Variants in MYO1E observed in about 807,000 individuals in gnomAD.
MYO1E encodes myosin IE.
A neutral mutation model predicts 151.1 loss-of-function variants in MYO1E; 68 were observed. The ratio of observed to expected loss-of-function variants is 0.45; its 90% CI spans 0.37 to 0.55. The LOEUF is 0.55. MYO1E is among the 20% of genes least tolerant of loss of function. MYO1E has a pLI of 0.00. For missense variants in MYO1E, 1,363 were observed against 1,389.3 expected (o/e 0.98, Z 0.30); for synonymous variants, 601 against 501.7 (o/e 1.20, Z -2.64).
Position 59,133,857 on chromosome 15 carries a change from C to CCACT in MYO1E, c.*3519_*3522dup, listed in dbSNP as rs1219621657. ...ACAGGCTGACTTGGTGTGACCAGCT[C>CCACT]CACTCAGGGAGGGTCTGGGGATGAG... On this transcript the variant is annotated 3_prime_UTR_variant, in exon 28 of 28. Coordinates refer to ENST00000288235, the MANE Select transcript of MYO1E (RefSeq NM_004998.4). 1 of 152,214 alleles carries CCACT rather than the reference C, an allele frequency of 6.6e-6. No individual in the cohort carries two copies. Among genetic ancestry groups the CCACT allele is most frequent in the Non-Finnish European group, 1.5e-5 (1 of 68,076 alleles). The allele number at this position is 152,214 out of a possible 1,614,324, so 9.4% of individuals were successfully genotyped here.
intron 9 of MYO1E, among the ~76,000 whole-genome samples, chr15:59,221,621 C>G (rs2140348339): frequency 6.6e-6 from 1 of 152,334 alleles, no homozygotes; most frequent in Admixed American, 6.5e-5. Flanking sequence ...TCTCTGGCTT[C>G]CATCTCAGCC....
At chr15:59,360,115 A>G (rs1374350177) in intron 1 of MYO1E, among the ~76,000 whole-genome samples, 1 of 152,234 alleles carries the variant, frequency 6.6e-6, no homozygotes, top group African/African-American at 2.4e-5. Flanking sequence ...TTTCTCTCCA[A>G]CTTACTTATT....
chr15:59,272,524 T>C, intron 1 of MYO1E, 75 bp from the exon 2 acceptor site: 2 of 1,446,812 alleles, frequency 1.4e-6, no homozygotes, highest in Admixed American at 3.5e-5. Context: ...TGCTGTTAAT[T>C]TCCCAAATAT....
intron 1 of MYO1E, among the ~76,000 whole-genome samples, chr15:59,305,212 G>A (rs1166697981): frequency 6.6e-6 from 1 of 152,036 alleles, no homozygotes. Context: ...TTTATCTATC[G>A]AGATGGGGTT....
At chr15:59,332,442 A>G (rs2140423762) in intron 1 of MYO1E, among the ~76,000 whole-genome samples, 1 of 152,366 alleles carries the variant, frequency 6.6e-6, no homozygotes, top group South Asian at 2.1e-4. Flanking sequence ...AGAAGTAAGC[A>G]TGCTGATCTA....
rs553276307 is a variant in MYO1E, at chr15:59,238,799, G to C, written c.333-2127C>G. On this transcript the variant is annotated intron_variant, in intron 4 of 27. Coordinates refer to ENST00000288235, the MANE Select transcript of MYO1E (RefSeq NM_004998.4). ...GTTAGCCAGACTGGTCCCAACTCCT[G>C]ACCCCAGGTGATCCGCCTGCCTTGG... Among the ~76,000 whole-genome samples, 6 of 152,056 alleles carry C rather than the reference G, an allele frequency of 3.9e-5. No homozygotes were observed. The East Asian group carries it at 5.9e-4, about 15-fold the overall frequency.
At chr15:59,207,566 G>T (rs780698842) in intron 14 of MYO1E, 1 of 1,614,086 alleles carries the variant, frequency 6.2e-7, no homozygotes, top group South Asian at 1.1e-5. Flanking sequence ...CGTATTATTG[G>T]AAGCGGCTGT....
intron 4 of MYO1E, among the ~76,000 whole-genome samples, chr15:59,249,896 C>G (rs1442266779): frequency 6.6e-6 from 1 of 152,192 alleles, no homozygotes; most frequent in African/African-American, 2.4e-5. Flanking sequence ...CCACCCAGAA[C>G]AGGATTTCCC....
Position 59,223,108 on chromosome 15 carries a change from G to A in MYO1E, c.861C>T (p.Asn287=). 6.2e-7 allele frequency: 1 copy of A among 1,613,402 alleles called. No homozygotes were observed. Among genetic ancestry groups the A allele is most frequent in the Non-Finnish European group, 8.5e-7 (1 of 1,179,946 alleles). The change falls in exon 9 of 28, where the codon AAC becomes AAT. Residue 287 remains asparagine, a synonymous_variant. Transcript: ENST00000288235. The part of the protein sequence containing the change: ...QIVAGILHLG[N]ISFKEVGNYA... The stretch of plus-strand genomic sequence containing the variant: ...AGTTGCCAACTTCTTTGAAGCTGAT[G>A]TTTCCCAGGTGGAGAATACCCGCCA...
intron 23 of MYO1E, among the ~76,000 whole-genome samples, chr15:59,162,834 C>T (rs1376727943): frequency 6.6e-6 from 1 of 152,102 alleles, no homozygotes; most frequent in African/African-American, 2.4e-5. Context: ...CTACTCCTGT[C>T]TGCTCTCCTA....
At chr15:59,225,173 T>C (rs1251317503) in intron 7 of MYO1E, among the ~76,000 whole-genome samples, 1 of 152,212 alleles carries the variant, frequency 6.6e-6, no homozygotes, top group African/African-American at 2.4e-5. Flanking sequence ...CACTGCAGGG[T>C]GCATGTTAAA....
At chr15:59,243,886 C>G (rs2080114552) in intron 4 of MYO1E, among the ~76,000 whole-genome samples, 1 of 151,872 alleles carries the variant, frequency 6.6e-6, no homozygotes, top group Non-Finnish European at 1.5e-5. Flanking sequence ...TGGCTCAATT[C>G]ACAGACTCCG....
At chr15:59,202,291 A>C in intron 16 of MYO1E, 35 bp downstream of exon 16, 2 of 1,583,900 alleles carry the variant, frequency 1.3e-6, no homozygotes, top group Admixed American at 1.7e-5. Flanking sequence ...GCTAGCCCTT[A>C]TAAGAATCTA....
chr15:59,247,285 G>C (rs1282239152), intron 4 of MYO1E, among the ~76,000 whole-genome samples: 1 of 152,168 alleles, frequency 6.6e-6, no homozygotes, highest in Non-Finnish European at 1.5e-5. Context: ...AACTAACCTG[G>C]CGAACCTGTC....
chr15:59,151,816 G>A (rs1234301166), intron 26 of MYO1E, among the ~76,000 whole-genome samples: 1 of 152,076 alleles, frequency 6.6e-6, no homozygotes, highest in African/African-American at 2.4e-5. Flanking sequence ...GGGAGGCCAA[G>A]GCGGGTGGAT....
At chr15:59,144,891 T>G (rs1380093310) in intron 26 of MYO1E, among the ~76,000 whole-genome samples, 1 of 152,214 alleles carries the variant, frequency 6.6e-6, no homozygotes, top group African/African-American at 2.4e-5. Flanking sequence ...TTGCCCAGGC[T>G]GGAGTGCAAT....
At chr15:59,342,359 T>C (rs1256043540) in intron 1 of MYO1E, among the ~76,000 whole-genome samples, 1 of 152,216 alleles carries the variant, frequency 6.6e-6, no homozygotes, top group Non-Finnish European at 1.5e-5. Context: ...TCTTTTGCTG[T>C]GTGGAAGGAA....
At position 59,214,691 on chromosome 15, in the gene MYO1E, A is replaced by G. The variant is rs747387398; in HGVS notation, c.1137T>C (p.His379=). 14 of 1,613,728 alleles carry G rather than the reference A, an allele frequency of 8.7e-6. No individual in the cohort carries two copies. The highest frequency in any genetic ancestry group is 5.0e-5 in the Admixed American group (3 of 59,998). The change falls in exon 11 of 28, where the codon CAT becomes CAC. Residue 379 remains histidine, a synonymous_variant. Coordinates refer to ENST00000288235, the MANE Select transcript of MYO1E (RefSeq NM_004998.4). ...CTAGGACGCCAATGTTGTATTCTTCATGGTCTTTCTCCATGGCTTTATTGA... is the reference window on the plus strand; with the variant it reads ...CTAGGACGCCAATGTTGTATTCTTCGTGGTCTTTCTCCATGGCTTTATTGA... ...DSINKAMEKD[H]EEYNIGVLDI... is the part of the protein sequence containing the mutation.
At chr15:59,205,339 T>C in intron 15 of MYO1E, 61 bp downstream of exon 15, 1 of 1,525,636 alleles carries the variant, frequency 6.6e-7, no homozygotes, top group Non-Finnish European at 9.1e-7. Flanking sequence ...ATAAGTTTGT[T>C]TTCATATTGA....
Sources: allele counts gnomAD v4.1 joint callset (sites outside exome capture counted in the v4.1 genomes callset), GRCh38; gene constraint gnomAD v4.1.1; transcripts MANE v1.5; gene names NCBI Gene and HGNC (gene_info 2026-07-23, HGNC 2026-07-21).